Variants in RBFOX1 observed in about 807,000 individuals in gnomAD.
The protein encoded by RBFOX1 is RNA binding protein fox-1 homolog 1.
In RBFOX1, 8 loss-of-function variants were observed where a neutral mutation model predicts 57.7. That is an observed-to-expected ratio of 0.14 (90% confidence interval 0.08 to 0.25). The LOEUF is 0.25. RBFOX1 is among the 10% of genes least tolerant of loss of function. The pLI is 1.00. For missense variants in RBFOX1, 611 were observed against 548.5 expected (o/e 1.11, Z -1.14); for synonymous variants, 326 against 222.4 (o/e 1.47, Z -4.15).
chr16:6,263,745 A>G (rs997078763), intron 1 of RBFOX1, among the ~76,000 whole-genome samples: 3 of 152,084 alleles, frequency 2.0e-5, no homozygotes, highest in African/African-American at 7.2e-5. Flanking sequence ...ATTATCTCCT[A>G]CAAAGCACCC....
At chr16:6,572,717 C>G (rs560961462) in intron 2 of RBFOX1, among the ~76,000 whole-genome samples, 1 of 152,044 alleles carries the variant, frequency 6.6e-6, no homozygotes, top group African/African-American at 2.4e-5. Context: ...CTCAGCCTCC[C>G]GAGTAGCTAG....
intron 4 of RBFOX1, among the ~76,000 whole-genome samples, chr16:7,276,730 C>T (rs1356350527): frequency 2.0e-5 from 3 of 152,188 alleles, no homozygotes; most frequent in South Asian, 2.1e-4. Flanking sequence ...AGGAGTAATT[C>T]ACCTTTGTTC....
chr16:7,615,951 CCACTAATAATGTATGAACAG>C (rs1335096286), intron 10 of RBFOX1, among the ~76,000 whole-genome samples: 2 of 152,178 alleles, frequency 1.3e-5, no homozygotes, highest in African/African-American at 2.4e-5. Context: ...CTGGTTGCTA[CCACTAATAATGTATGAACAG>C]CTGCAGTCAT....
chr16:5,620,539 G>C (rs914299027), intron 3 of RBFOX1, among the ~76,000 whole-genome samples: 4 of 152,128 alleles, frequency 2.6e-5, no homozygotes. Flanking sequence ...TTTCTTCTGA[G>C]ACCTGTCTCC....
chr16:7,203,388 G>A (rs190433378), intron 4 of RBFOX1, among the ~76,000 whole-genome samples: 1 of 152,304 alleles, frequency 6.6e-6, no homozygotes, highest in African/African-American at 2.4e-5. Flanking sequence ...GAAGGTAGGG[G>A]AAAGGACAGT....
chr16:5,717,911 A>C (rs1275251858), intron 3 of RBFOX1, among the ~76,000 whole-genome samples: 4 of 152,196 alleles, frequency 2.6e-5, no homozygotes, highest in African/African-American at 9.7e-5. Context: ...TCTTTATTTG[A>C]GGTACAGATA....
intron 2 of RBFOX1, among the ~76,000 whole-genome samples, chr16:6,568,830 G>C (rs368167922): frequency 6.6e-6 from 1 of 151,986 alleles, no homozygotes; most frequent in Non-Finnish European, 1.5e-5. Flanking sequence ...GTGCAGTGGC[G>C]CGATCTCGGC....
chr16:5,241,360 A>AGAAGGGAGAGGTCCTGGTCTGG (rs1567225895), intron 1 of RBFOX1, among the ~76,000 whole-genome samples: 13 of 151,844 alleles, frequency 8.6e-5, no homozygotes, highest in African/African-American at 3.2e-4. Context: ...GGAAAGGATG[A>AGAAGGGAGAGGTCCTGGTCTGG]GACACAATTA....
intron 4 of RBFOX1, among the ~76,000 whole-genome samples, chr16:7,142,331 A>T (rs2073999734): frequency 6.6e-6 from 1 of 152,112 alleles, no homozygotes; most frequent in African/African-American, 2.4e-5. Flanking sequence ...GCCAAGTCCC[A>T]TTTCACTTAG....
intron 3 of RBFOX1, among the ~76,000 whole-genome samples, chr16:6,690,643 A>T (rs1472758564): frequency 6.6e-6 from 1 of 152,110 alleles, no homozygotes; most frequent in African/African-American, 2.4e-5. Context: ...GCTGCTTAGG[A>T]ATCATAAACC....
chr16:6,424,570 C>T lies in RBFOX1; in HGVS notation c.-64+107513C>T, dbSNP rs2093868272. On this transcript the variant is annotated intron_variant, in intron 2 of 15. Coordinates refer to ENST00000550418, the MANE Select transcript of RBFOX1 (RefSeq NM_018723.4). ...TATCCAACTTCACTTGTTAATAGTG[C>T]TGAGGTTGAGAAACCCTAGTACATC... 2.0e-5 allele frequency among the ~76,000 whole-genome samples: 3 copies of T among 151,666 alleles called. No homozygotes were observed. In the South Asian group the frequency reaches 6.2e-4, roughly 32 times the overall value.
At chr16:6,444,394 G>A (rs948159308) in intron 2 of RBFOX1, among the ~76,000 whole-genome samples, 1 of 152,052 alleles carries the variant, frequency 6.6e-6, no homozygotes, top group African/African-American at 2.4e-5. Context: ...CAATTCCTAC[G>A]GGTCATGGGA....
At chr16:5,679,620 T>C (rs1261748831) in intron 3 of RBFOX1, among the ~76,000 whole-genome samples, 2 of 152,194 alleles carry the variant, frequency 1.3e-5, no homozygotes, top group African/African-American at 4.8e-5. Context: ...TTTCTGTTCC[T>C]GTGTTAGTTT....
chr16:5,535,890 G>A (rs943561367), intron 2 of RBFOX1, among the ~76,000 whole-genome samples: 2 of 152,128 alleles, frequency 1.3e-5, no homozygotes, highest in Non-Finnish European at 1.5e-5. Flanking sequence ...GAAGAGGGGC[G>A]TACTGTAAGA....
chr16:6,677,771 C>T (rs1021687643), intron 3 of RBFOX1, among the ~76,000 whole-genome samples: 4 of 152,112 alleles, frequency 2.6e-5, no homozygotes, highest in African/African-American at 9.7e-5. Flanking sequence ...CATCACTATA[C>T]AAGTTATTAA....
chr16:6,249,101 C>G (rs1194777814), intron 1 of RBFOX1, among the ~76,000 whole-genome samples: 1 of 152,072 alleles, frequency 6.6e-6, no homozygotes, highest in African/African-American at 2.4e-5. Flanking sequence ...AGTCCAGCCC[C>G]CACTCCCCTC....
At chr16:6,560,292 A>G (rs1211877754) in intron 2 of RBFOX1, among the ~76,000 whole-genome samples, 1 of 151,964 alleles carries the variant, frequency 6.6e-6, no homozygotes, top group Non-Finnish European at 1.5e-5. Context: ...GAGCAGTGCT[A>G]TGGAAAAAAG....
intron 11 of RBFOX1, among the ~76,000 whole-genome samples, chr16:7,642,777 T>C (rs533844198): frequency 1.3e-5 from 2 of 152,308 alleles, no homozygotes; most frequent in South Asian, 4.1e-4. Flanking sequence ...AACTGCTGCA[T>C]CCAAATTAAA....
At chr16:7,191,577 C>G (rs947926957) in intron 4 of RBFOX1, among the ~76,000 whole-genome samples, 6 of 152,310 alleles carry the variant, frequency 3.9e-5, no homozygotes, top group South Asian at 2.1e-4. Flanking sequence ...CATCTTCAAA[C>G]CATATCAGCC....
Sources: gnomAD v4.1 joint callset for allele counts (sites outside exome capture counted in the v4.1 genomes callset) on GRCh38, gnomAD v4.1.1 for gene constraint, MANE v1.5 for transcripts, NCBI Gene and HGNC (gene_info 2026-07-23, HGNC 2026-07-21) for gene names.